PICK1: variants seen among roughly 807,000 people sequenced by gnomAD.
PICK1 encodes the protein PRKCA-binding protein.
A neutral mutation model predicts 48.9 loss-of-function variants in PICK1; 23 were observed. That is an observed-to-expected ratio of 0.47 (90% CI 0.34 to 0.67). PICK1 has a LOEUF of 0.67. Among genes scored for constraint, PICK1 ranks in the 30% least tolerant of loss-of-function variants. The pLI is 0.01. For missense variants in PICK1, 423 were observed against 557.1 expected (o/e 0.76, Z 2.42); for synonymous variants, 217 against 228.2 (o/e 0.95, Z 0.44).
intron 8 of PICK1, 94 bp downstream of exon 8, chr22:38,071,838 C>A: frequency 1.9e-6 from 2 of 1,037,370 alleles, no homozygotes; most frequent in South Asian, 1.3e-5. Context: ...CAGCGCCTGA[C>A]CTCAGGCTCC....
At position 38,070,887 on chromosome 22, in the gene PICK1, C is replaced by T. The variant is rs768461980; in HGVS notation, c.489C>T (p.Tyr163=). 2.5e-6 allele frequency: 4 copies of T among 1,613,658 alleles called. No individual in the cohort carries two copies. In the East Asian group the frequency reaches 8.9e-5, roughly 36 times the overall value. ...LEELERTAEL[Y]KGMTEHTKNL... The stretch of plus-strand genomic sequence containing the variant: ...AGCTGGAGCGGACCGCTGAGCTATA[C>T]AAAGGTGGGTGGGGGGTGGCCTCGT... The change falls in exon 7 of 13, where the codon TAC becomes TAT. Residue 163 remains tyrosine, a synonymous_variant. Transcript: ENST00000356976.
chr22:38,070,448 C>A (rs1459441244), intron 6 of PICK1, among the ~76,000 whole-genome samples: 1 of 152,228 alleles, frequency 6.6e-6, no homozygotes, highest in Non-Finnish European at 1.5e-5. Flanking sequence ...TTTCCCCCTC[C>A]CTCCCCAAGT....
chr22:38,074,589 C>T lies in PICK1; in HGVS notation c.979+138C>T, dbSNP rs1264643227. On this transcript the variant is annotated intron_variant, in intron 12 of 12. Transcript: ENST00000356976. The surrounding 1 kb of genome is among the most constrained non-coding windows in gnomAD (Gnocchi z 4.5). ...GCCCAGCCATCTGCCCAGAGCCTGG[C>T]CTGGGTGGAGCTGGCCTGTGCGCGT... 2.3e-6 allele frequency: 3 copies of T among 1,279,354 alleles called. No individual in the cohort carries two copies. In the East Asian group the frequency reaches 7.6e-5, roughly 32 times the overall value. 79.3% of individuals were successfully genotyped at this position (1,279,354 alleles called of 1,614,324 possible). A position where few individuals can be genotyped will look rare whatever the true frequency, so the allele number is the denominator to read the frequency against.
chr22:38,071,993 T>G, intron 8 of PICK1: 1 of 563,484 alleles, frequency 1.8e-6, no homozygotes, highest in Non-Finnish European at 3.2e-6. Flanking sequence ...ACAAGGCCCT[T>G]GCTTATTTAT....
In PICK1 at chr22:38,066,060, T is replaced by G. The variant is rs1326915455; in HGVS notation, c.282+930T>G. ...TGCTCCTGAGTAGTCCGTGCTTCTC[T>G]CCTTCCTTGCTGTAGGAAGAGTCCC... On this transcript the variant is annotated intron_variant, in intron 4 of 12. Coordinates refer to ENST00000356976, the MANE Select transcript of PICK1 (RefSeq NM_012407.4). This position sits in a 1 kb window ranked among gnomAD's most constrained non-coding sequence, Gnocchi z 4.1. Among the ~76,000 whole-genome samples the G allele has an allele frequency of 6.6e-6, 1 of 152,178 alleles. No homozygotes were observed. The highest frequency in any genetic ancestry group is 1.5e-5 in the Non-Finnish European group (1 of 68,032).
chr22:38,063,263 C>A (rs35570734), intron 3 of PICK1, among the ~76,000 whole-genome samples: 2,315 of 151,654 alleles, frequency 0.015, 24 homozygotes, highest in South Asian at 0.037. Context: ...CTCAAGCGAT[C>A]CTCCCACCTC....
chr22:38,071,598 G>T, intron 7 of PICK1, 84 bp from the exon 8 acceptor site: 1 of 1,192,070 alleles, frequency 8.4e-7, no homozygotes, highest in Non-Finnish European at 1.3e-6. Flanking sequence ...GCCTTGGGTG[G>T]CATGGGCAAT....
At chr22:38,068,688 A>C (rs531783486) in intron 5 of PICK1, among the ~76,000 whole-genome samples, 2 of 152,226 alleles carry the variant, frequency 1.3e-5, no homozygotes, top group African/African-American at 4.8e-5. Context: ...GTGACACCCT[A>C]GGTCCTGATG....
At chr22:38,070,179 C>A (rs1426395377) in intron 6 of PICK1, among the ~76,000 whole-genome samples, 1 of 152,232 alleles carries the variant, frequency 6.6e-6, no homozygotes, top group Non-Finnish European at 1.5e-5. Flanking sequence ...AAAACCCTGA[C>A]CCAGGTCAAC....
In PICK1 at chr22:38,073,917, G is replaced by C. The variant is rs1204593161; in HGVS notation, c.834+94G>C. ...CAGGCCAACCCGGGAGAGACCGGGG[G>C]GACTTGGCTGGACTCTCGTTCCTGG... On this transcript the variant is annotated intron_variant, in intron 11 of 12. Coordinates refer to ENST00000356976, the MANE Select transcript of PICK1 (RefSeq NM_012407.4). The surrounding 1 kb of genome is among the most constrained non-coding windows in gnomAD (Gnocchi z 5.7). 8.4e-7 allele frequency: 1 copy of C among 1,183,962 alleles called. No individual in the cohort carries two copies. Among genetic ancestry groups the C allele is most frequent in the Non-Finnish European group, 1.3e-6 (1 of 792,380 alleles). 73.3% of individuals were successfully genotyped at this position (1,183,962 alleles called of 1,614,324 possible). A position where few individuals can be genotyped will look rare whatever the true frequency, so the allele number is the denominator to read the frequency against.
At chr22:38,061,834 C>T (rs2085411193) in intron 3 of PICK1, among the ~76,000 whole-genome samples, 1 of 152,132 alleles carries the variant, frequency 6.6e-6, no homozygotes, top group Non-Finnish European at 1.5e-5. Context: ...CCTGTTGTTT[C>T]TTGATCTATC....
At position 38,066,656 on chromosome 22, in the gene PICK1, G is replaced by A. The variant is rs895938122; in HGVS notation, c.283-1048G>A. ...TCCCTGTGGGGTGGCCCCTGAGCACGCCTGTGTTTCATTCTGCGGGAGCAG... is the reference window on the plus strand; with the variant it reads ...TCCCTGTGGGGTGGCCCCTGAGCACACCTGTGTTTCATTCTGCGGGAGCAG... On this transcript the variant is annotated intron_variant, in intron 4 of 12. Coordinates refer to ENST00000356976, the MANE Select transcript of PICK1 (RefSeq NM_012407.4). This position sits in a 1 kb window ranked among gnomAD's most constrained non-coding sequence, Gnocchi z 4.1. Among the ~76,000 whole-genome samples the A allele has an allele frequency of 5.9e-5, 9 of 152,216 alleles. No homozygotes were observed. Among genetic ancestry groups the A allele is most frequent in the East Asian group, 3.8e-4 (2 of 5,196 alleles).
In PICK1 at chr22:38,070,896, G is replaced by A. The variant is rs962135548; in HGVS notation, c.493+5G>A. 8.7e-6 allele frequency: 14 copies of A among 1,613,296 alleles called. No homozygotes were observed. The Admixed American group carries it at 1.3e-4, about 15-fold the overall frequency. The stretch of plus-strand genomic sequence containing the variant: ...GGACCGCTGAGCTATACAAAGGTGG[G>A]TGGGGGGTGGCCTCGTCCTGGCACT... On this transcript the variant is annotated splice_donor_5th_base_variant and intron_variant, in intron 7 of 12. Coordinates refer to ENST00000356976, the MANE Select transcript of PICK1 (RefSeq NM_012407.4).
At position 38,060,072 on chromosome 22, in the gene PICK1, G is replaced by A. The variant is rs145464016; in HGVS notation, c.153+727G>A. ...ACTAAAATACAAAAATTAGCTGGGC[G>A]TGGTGGTGCACGCCTGTACTTCCAG... On this transcript the variant is annotated intron_variant, in intron 3 of 12. Coordinates refer to ENST00000356976, the MANE Select transcript of PICK1 (RefSeq NM_012407.4). Among the ~76,000 whole-genome samples the A allele has an allele frequency of 4.3e-3, 661 of 152,270 alleles. 2 individuals carry two copies. The highest frequency in any genetic ancestry group is 0.014 in the African/African-American group (579 of 41,544).
intron 3 of PICK1, among the ~76,000 whole-genome samples, chr22:38,060,877 T>C (rs768318539): frequency 2.0e-5 from 3 of 151,520 alleles, no homozygotes; most frequent in Non-Finnish European, 4.4e-5. Flanking sequence ...GCCTCCCGAG[T>C]AGCTGGTATT....
At chr22:38,063,523 GAA>G (rs564808674) in intron 3 of PICK1, among the ~76,000 whole-genome samples, 83 of 151,586 alleles carry the variant, frequency 5.5e-4, no homozygotes, top group Non-Finnish European at 1.8e-4. Flanking sequence ...AGGAAAAAAA[GAA>G]AAAAGAGTTT....
Position 38,074,320 on chromosome 22 carries a change from C to T in PICK1, c.848C>T (p.Pro283Leu), listed in dbSNP as rs756192771. The T allele has an allele frequency of 6.2e-7, 1 of 1,612,838 alleles. No homozygotes were observed. The highest frequency in any genetic ancestry group is 1.7e-4 in the Middle Eastern group (1 of 6,048). ...CCCCCGCCCCAGGCCCTAGGCGAGC[C>T]CCTTTACCGGGTGAGCACCGGCAAC... ...EEYSCIALGE[P>L]LYRVSTGNYE... The change falls in exon 12 of 13, where the codon CCC becomes CTC. Residue 283 changes from proline (P) to leucine (L), a missense_variant. By Grantham distance (98) the Pro-to-Leu change is moderately conservative. Transcript: ENST00000356976. The surrounding 1 kb of genome is among the most constrained non-coding windows in gnomAD (Gnocchi z 4.5).
Position 38,069,014 on chromosome 22 carries a change from T to C in PICK1, c.350-19T>C. 1 of 1,604,702 alleles carries C rather than the reference T, an allele frequency of 6.2e-7. No individual in the cohort carries two copies. The highest frequency in any genetic ancestry group is 1.1e-5 in the South Asian group (1 of 89,826). The stretch of plus-strand genomic sequence containing the variant: ...TCTGGGCAGCCACAGACTCACCAGG[T>C]CCTTTGTCCCCCGCTCAGTGTTGAA... On this transcript the variant is annotated intron_variant, in intron 5 of 12. Transcript: ENST00000356976.
chr22:38,071,034 A>G (rs2085667900), intron 7 of PICK1, 143 bp downstream of exon 7: 3 of 712,558 alleles, frequency 4.2e-6, no homozygotes, highest in Non-Finnish European at 7.6e-6. Flanking sequence ...TTAAGAATAT[A>G]TACTTCTTCT....
Sources: gnomAD v4.1 joint callset for allele counts (sites outside exome capture counted in the v4.1 genomes callset) on GRCh38, gnomAD v4.1.1 for gene constraint, Gnocchi (gnomAD v3.1) non-coding constraint, MANE v1.5 for transcripts, NCBI Gene and HGNC (gene_info 2026-07-23, HGNC 2026-07-21) for gene names.